Variants in BAIAP2L1 observed in about 807,000 individuals in gnomAD.
BAIAP2L1 encodes the protein BAR/IMD domain-containing adapter protein 2-like 1.
BAIAP2L1 carries 35 observed loss-of-function variants against 66.3 expected under a neutral mutation model. That is an observed-to-expected ratio of 0.53 (90% confidence interval 0.40 to 0.70). BAIAP2L1 has a LOEUF of 0.70. Among genes scored for constraint, BAIAP2L1 ranks in the 30% least tolerant of loss-of-function variants. The pLI, the probability that BAIAP2L1 is intolerant of heterozygous loss-of-function variation, is 0.00. For synonymous variants in BAIAP2L1, 269 were observed against 248.7 expected (o/e 1.08, Z -0.77); for missense variants, 622 against 656.9 (o/e 0.95, Z 0.58).
chr7:98,294,118 GAAAGAT>G lies in BAIAP2L1; in HGVS notation c.1423-13_1423-8del, dbSNP rs1562961473. 5.6e-6 allele frequency: 9 copies of G among 1,613,848 alleles called. No homozygotes were observed. The highest frequency in any genetic ancestry group is 1.7e-4 in the Middle Eastern group (1 of 6,058). ...CAGTCCCGTTGGCATCGTTCTGTGA[GAAAGAT>G]AAAGAAGTTTATGGAGGGCTTAGAA... On this transcript the variant is annotated splice_region_variant and splice_polypyrimidine_tract_variant and intron_variant, in intron 12 of 13. Transcript: ENST00000005260.
chr7:98,360,142 C>T (rs139970160), intron 2 of BAIAP2L1, among the ~76,000 whole-genome samples: 2,502 of 152,176 alleles, frequency 0.016, 75 homozygotes, highest in African/African-American at 0.057. Context: ...AGGCTGGTTT[C>T]GAACTTCTGA....
Position 98,385,004 on chromosome 7 carries a change from C to T in BAIAP2L1, c.51+15798G>A, listed in dbSNP as rs183133395. Among the ~76,000 whole-genome samples, 287 of 152,198 alleles carry T rather than the reference C, an allele frequency of 1.9e-3. 2 individuals are homozygous for T. Among genetic ancestry groups the T allele is most frequent in the African/African-American group, 6.3e-3 (262 of 41,560 alleles). Reference sequence around the variant, plus strand: ...ATGAGCCACGGCAATCAACCTCATTCTATTGTCTTAAAATCGCAGCTGGGT... The same window carrying T: ...ATGAGCCACGGCAATCAACCTCATTTTATTGTCTTAAAATCGCAGCTGGGT... On this transcript the variant is annotated intron_variant, in intron 1 of 13. Transcript: ENST00000005260.
chr7:98,385,992 C>G, intron 1 of BAIAP2L1: 2 of 1,469,198 alleles, frequency 1.4e-6, no homozygotes, highest in East Asian at 4.5e-5. Flanking sequence ...ACTGGCAAGC[C>G]TTTTCTATGT....
rs961539203 is a variant in BAIAP2L1, at chr7:98,292,912, G to A, written c.*609C>T. On this transcript the variant is annotated 3_prime_UTR_variant, in exon 14 of 14. Coordinates refer to ENST00000005260, the MANE Select transcript of BAIAP2L1 (RefSeq NM_018842.5). ...CGAGTGCTACGTGTGGCTGTGATAAGGGCAGGCAAAGCGTCTTAGCACTCT... is the reference window on the plus strand; with the variant it reads ...CGAGTGCTACGTGTGGCTGTGATAAAGGCAGGCAAAGCGTCTTAGCACTCT... 6 of 1,406,644 alleles carry A rather than the reference G, an allele frequency of 4.3e-6. No homozygotes were observed. Among genetic ancestry groups the A allele is most frequent in the East Asian group, 2.6e-5 (1 of 38,120 alleles). 87.1% of individuals were successfully genotyped at this position (1,406,644 alleles called of 1,614,324 possible).
At chr7:98,374,734 G>A (rs1376093666) in intron 1 of BAIAP2L1, among the ~76,000 whole-genome samples, 3 of 151,822 alleles carry the variant, frequency 2.0e-5, no homozygotes, top group South Asian at 2.1e-4. Context: ...GGGCAAATAC[G>A]TCTGACCCTC....
In BAIAP2L1 at chr7:98,340,353, T is replaced by C. The variant is rs191245843; in HGVS notation, c.214+14689A>G. Among the ~76,000 whole-genome samples the C allele has an allele frequency of 4.7e-4, 71 of 152,308 alleles. 3 individuals are homozygous for C. The East Asian group carries it at 0.013, about 28-fold the overall frequency. On this transcript the variant is annotated intron_variant, in intron 3 of 13. Transcript: ENST00000005260. ...CCCAGGCTGGAATGCAGTGGCCCAA[T>C]CTCGGCTCACTGCAAGCTCTGCCTC...
Position 98,401,064 on chromosome 7 carries a change from A to T in BAIAP2L1, c.-212T>A, listed in dbSNP as rs1384339961. On this transcript the variant is annotated 5_prime_UTR_variant, in exon 1 of 14. Coordinates refer to ENST00000005260, the MANE Select transcript of BAIAP2L1 (RefSeq NM_018842.5). The stretch of plus-strand genomic sequence containing the variant: ...CGCCCTGGCCTTCTTCGAGGAGCAG[A>T]GGAGAAGCGGCCGGACGCCGCCAGA... The T allele has an allele frequency of 1.3e-5, 5 of 390,412 alleles. No individual in the cohort carries two copies. Among genetic ancestry groups the T allele is most frequent in the African/African-American group, 2.2e-5 (1 of 46,282 alleles). The allele number at this position is 390,412 out of a possible 1,614,324, so 24.2% of individuals were successfully genotyped here.
chr7:98,400,969 G>T lies in BAIAP2L1; in HGVS notation c.-117C>A. 1 of 951,624 alleles carries T rather than the reference G, an allele frequency of 1.1e-6. No homozygotes were observed. The highest frequency in any genetic ancestry group is 1.4e-6 in the Non-Finnish European group (1 of 714,152). The allele number at this position is 951,624 out of a possible 1,614,324, so 58.9% of individuals were successfully genotyped here. On this transcript the variant is annotated 5_prime_UTR_variant, in exon 1 of 14. Transcript: ENST00000005260. ...AAGGGGCTCTGGAGGGTCGGCCGCC[G>T]CCGCAGCCGTCGGCCCGAGAGTGCC...
At chr7:98,395,569 T>C (rs1803185621) in intron 1 of BAIAP2L1, among the ~76,000 whole-genome samples, 1 of 152,162 alleles carries the variant, frequency 6.6e-6, no homozygotes, top group African/African-American at 2.4e-5. Context: ...ACAGGTGTGT[T>C]CAGTTTGTGA....
chr7:98,369,346 G>A (rs767447396), intron 1 of BAIAP2L1, among the ~76,000 whole-genome samples: 12 of 152,126 alleles, frequency 7.9e-5, no homozygotes, highest in African/African-American at 2.4e-4. Context: ...TGCTGGGCAC[G>A]GCGGTGGGTG....
At chr7:98,354,580 G>C (rs1457412503) in intron 3 of BAIAP2L1, among the ~76,000 whole-genome samples, 2 of 152,140 alleles carry the variant, frequency 1.3e-5, no homozygotes, top group African/African-American at 4.8e-5. Flanking sequence ...GCCTGCACAG[G>C]AGAGCGATTC....
intron 11 of BAIAP2L1, among the ~76,000 whole-genome samples, chr7:98,305,550 G>T (rs553958312): frequency 6.6e-6 from 1 of 152,306 alleles, no homozygotes; most frequent in South Asian, 2.1e-4. Flanking sequence ...CTCCAGAGTA[G>T]ATGGGACAAT....
chr7:98,301,705 G>A (rs985600981), intron 12 of BAIAP2L1, among the ~76,000 whole-genome samples: 1 of 152,136 alleles, frequency 6.6e-6, no homozygotes, highest in African/African-American at 2.4e-5. Context: ...GTGTGGTGGG[G>A]GTTAGAGGGA....
intron 1 of BAIAP2L1, among the ~76,000 whole-genome samples, chr7:98,370,896 C>CA (rs1437205637): frequency 1.3e-5 from 2 of 151,832 alleles, no homozygotes; most frequent in African/African-American, 2.4e-5. Flanking sequence ...AACCCAGGGA[C>CA]AAAAAAAGCA....
At chr7:98,387,322 G>A (rs1802919190) in intron 1 of BAIAP2L1, among the ~76,000 whole-genome samples, 2 of 152,126 alleles carry the variant, frequency 1.3e-5, no homozygotes, top group Admixed American at 6.6e-5. Flanking sequence ...GGTAACCATG[G>A]TGCTTGGCAC....
chr7:98,306,546 T>A, intron 10 of BAIAP2L1, 30 bp from the exon 11 acceptor site: 1 of 1,614,004 alleles, frequency 6.2e-7, no homozygotes, highest in South Asian at 1.1e-5. Context: ...AAAGACCCTA[T>A]CAGCAGTAGA....
At chr7:98,305,056 T>TG (rs1352497128) in intron 11 of BAIAP2L1, among the ~76,000 whole-genome samples, 3 of 141,620 alleles carry the variant, frequency 2.1e-5, no homozygotes, top group East Asian at 2.0e-4. Context: ...TGTTTTTTTT[T>TG]TTTTTTTTTT....
intron 12 of BAIAP2L1, among the ~76,000 whole-genome samples, chr7:98,302,441 A>G (rs1031861882): frequency 6.6e-6 from 1 of 152,194 alleles, no homozygotes; most frequent in Non-Finnish European, 1.5e-5. Context: ...AGCTACTAAC[A>G]TCACAAAAAG....
intron 12 of BAIAP2L1, among the ~76,000 whole-genome samples, chr7:98,294,802 CTG>C (rs1800117074): frequency 6.6e-6 from 1 of 152,198 alleles, no homozygotes; most frequent in Non-Finnish European, 1.5e-5. Context: ...GAAGCTCAAA[CTG>C]AGGAAAAGAG....
Sources: gnomAD v4.1 joint callset for allele counts (sites outside exome capture counted in the v4.1 genomes callset) on GRCh38, gnomAD v4.1.1 for gene constraint, MANE v1.5 for transcripts, NCBI Gene and HGNC (gene_info 2026-07-23, HGNC 2026-07-21) for gene names.